Variants in NHSL2 observed in about 807,000 individuals in gnomAD.
The protein encoded by NHSL2 is NHS like 2, also known as NHS-like protein 2.
Under a neutral mutation model 53.4 loss-of-function variants are expected in NHSL2, and 27 were observed. The ratio of observed to expected loss-of-function variants is 0.51; its 90% CI spans 0.37 to 0.70. NHSL2 has a LOEUF of 0.70. NHSL2 is among the 30% of genes least tolerant of loss of function. The pLI is 0.00. For missense variants in NHSL2, 892 were observed against 980.1 expected (o/e 0.91, Z 1.20); for synonymous variants, 408 against 404.1 (o/e 1.01, Z -0.12).
intron 1 of NHSL2, among the ~76,000 whole-genome samples, chrX:71,998,735 G>C (rs1032625756): frequency 6.3e-5 from 7 of 111,467 alleles, no homozygotes; most frequent in African/African-American, 2.3e-4. Flanking sequence ...TGCACTCTCA[G>C]GGAGGAGGTG....
intron 1 of NHSL2, among the ~76,000 whole-genome samples, chrX:72,010,033 G>A (rs956366880): frequency 7.1e-5 from 8 of 112,771 alleles, no homozygotes; most frequent in South Asian, 7.3e-4. Context: ...TGCTGCCTCC[G>A]GTATTGAAAC....
chrX:71,923,597 G>A (rs978811391), intron 1 of NHSL2, among the ~76,000 whole-genome samples: 6 of 111,956 alleles, frequency 5.4e-5, no homozygotes, highest in African/African-American at 2.0e-4. Context: ...ATAATTTATA[G>A]GACAGCCCCT....
At chrX:72,107,681 T>A (rs1173505441) in intron 1 of NHSL2, among the ~76,000 whole-genome samples, 1 of 110,870 alleles carries the variant, frequency 9.0e-6, no homozygotes, top group African/African-American at 3.3e-5. Flanking sequence ...GAACAACCCA[T>A]GAGGAAAAGC....
In NHSL2 at chrX:72,012,711, G is replaced by C. The variant is rs972839766; in HGVS notation, c.280+101344G>C. Among the ~76,000 whole-genome samples the C allele has an allele frequency of 1.2e-4, 13 of 112,643 alleles. No homozygotes were observed. In the East Asian group the frequency reaches 3.6e-3, roughly 31 times the overall value. On this transcript the variant is annotated intron_variant, in intron 1 of 7. Coordinates refer to ENST00000633930, the MANE Select transcript of NHSL2 (RefSeq NM_001013627.3). The stretch of plus-strand genomic sequence containing the variant: ...ATCAGGACGTAGACGTATCTTTTGG[G>C]AGGGCACCATTCAGCCCACTACACA...
chrX:71,911,921 G>A (rs138078141), intron 1 of NHSL2, among the ~76,000 whole-genome samples: 2,564 of 111,791 alleles, frequency 0.023, 56 homozygotes, highest in East Asian at 0.14. Flanking sequence ...CCCACTCACA[G>A]GAGTGTCTGA....
chrX:72,082,813 C>G (rs954800750), intron 1 of NHSL2, among the ~76,000 whole-genome samples: 1 of 112,205 alleles, frequency 8.9e-6, no homozygotes, highest in African/African-American at 3.2e-5. Context: ...CCAACCTCGG[C>G]CAGGCTGAAG....
intron 1 of NHSL2, among the ~76,000 whole-genome samples, chrX:71,981,458 A>G (rs756661395): frequency 7.5e-4 from 78 of 104,425 alleles, no homozygotes; most frequent in South Asian, 2.2e-3. Flanking sequence ...AGGCACAAGA[A>G]TTGTTTGAAC....
In NHSL2 at chrX:72,148,131, A is replaced by G. The variant is rs749954235; in HGVS notation, c.*4557A>G. On this transcript the variant is annotated 3_prime_UTR_variant, in exon 8 of 8. Coordinates refer to ENST00000633930, the MANE Select transcript of NHSL2 (RefSeq NM_001013627.3). ...CTACTAAAAGCCACTGAGAAGGCCT[A>G]GATCATTCATATTGTACATTGACAT... 8.9e-6 allele frequency: 1 copy of G among 112,243 alleles called. No homozygotes were observed. Among genetic ancestry groups the G allele is most frequent in the East Asian group, 2.8e-4 (1 of 3,599 alleles). 9.3% of individuals were successfully genotyped at this position (112,243 alleles called of 1,213,427 possible).
chrX:72,093,721 G>GCTTGCTTGCTTT lies in NHSL2; in HGVS notation c.281-38355_281-38354insGCTTGCTTTCTT, dbSNP rs1216358306. Among the ~76,000 whole-genome samples the GCTTGCTTGCTTT allele has an allele frequency of 5.5e-3, 524 of 95,311 alleles. 3 individuals are homozygous for GCTTGCTTGCTTT. The highest frequency in any genetic ancestry group is 8.6e-3 in the Non-Finnish European group (423 of 49,154). 82.8% of individuals were successfully genotyped at this position (95,311 alleles called of 115,157 possible). On this transcript the variant is annotated intron_variant, in intron 1 of 7. Transcript: ENST00000633930. ...AATATTCCCCTAGTATAGCTTGCTT[G>GCTTGCTTGCTTT]CTTTCTTTCTTTCTTTCTTTCTTTC...
rs1306253699 is a variant in NHSL2 at position 71,911,314 on chromosome X, G to A, written c.227G>A (p.Arg76His). 8.9e-7 allele frequency: 1 copy of A among 1,127,730 alleles called. No individual in the cohort carries two copies. The highest frequency in any genetic ancestry group is 2.7e-5 in the Admixed American group (1 of 36,775). The allele number at this position is 1,127,730 out of a possible 1,213,427, so 92.9% of individuals were successfully genotyped here. A position where few individuals can be genotyped will look rare whatever the true frequency, so the allele number is the denominator to read the frequency against. Residue 76 changes from arginine to histidine, a missense_variant, in exon 1 of 8, where the codon CGC becomes CAC. By Grantham distance (29) the Arg-to-His change is conservative. Transcript: ENST00000633930. Reference protein sequence around the residue: ...DSLYRRTVRLRRRLPCRLLGP... With the variant: ...DSLYRRTVRLHRRLPCRLLGP... ...CTGTACCGGCGCACCGTGCGCCTCCGCCGCCGCCTTCCCTGCCGCCTGCTT... is the reference window on the plus strand; with the variant it reads ...CTGTACCGGCGCACCGTGCGCCTCCACCGCCGCCTTCCCTGCCGCCTGCTT...
chrX:71,994,531 A>G lies in NHSL2; in HGVS notation c.280+83164A>G, dbSNP rs537681809. Among the ~76,000 whole-genome samples, 14 of 111,256 alleles carry G rather than the reference A, an allele frequency of 1.3e-4. No homozygotes were observed. The South Asian group carries it at 5.0e-3, about 39-fold the overall frequency. Reference sequence around the variant, plus strand: ...CTATGTGACTAGTGTTTAAGGAATGAGGACAAAATAATCTATACCTCAAAC... The same window carrying G: ...CTATGTGACTAGTGTTTAAGGAATGGGGACAAAATAATCTATACCTCAAAC... On this transcript the variant is annotated intron_variant, in intron 1 of 7. Transcript: ENST00000633930.
intron 1 of NHSL2, among the ~76,000 whole-genome samples, chrX:72,071,617 A>G (rs1217823912): frequency 9.1e-6 from 1 of 110,178 alleles, no homozygotes; most frequent in African/African-American, 3.3e-5. Flanking sequence ...CCACAACACC[A>G]CACCTTCTCA....
At chrX:72,132,002 C>T (rs1398733808) in intron 1 of NHSL2, 77 bp from the exon 2 acceptor site, 27 of 1,060,022 alleles carry the variant, frequency 2.5e-5, no homozygotes, top group East Asian at 3.4e-5. Context: ...CTTGGGGAAC[C>T]GCGGGCGCCC....
chrX:72,036,101 A>G (rs1169956255), intron 1 of NHSL2, among the ~76,000 whole-genome samples: 2 of 112,145 alleles, frequency 1.8e-5, no homozygotes, highest in Non-Finnish European at 3.8e-5. Context: ...CCTGACTCCC[A>G]TCTGTGGAAA....
intron 1 of NHSL2, among the ~76,000 whole-genome samples, chrX:71,942,500 A>T (rs2041770969): frequency 8.9e-6 from 1 of 112,323 alleles, no homozygotes; most frequent in African/African-American, 3.2e-5. Flanking sequence ...CTAGTGAAAC[A>T]TGAAATAATT....
At position 72,140,470 on chromosome X, in the gene NHSL2, G is replaced by A. The variant is rs1329098026; in HGVS notation, c.2922G>A (p.Glu974=). The part of the protein sequence containing the change: ...QQPPQGSVED[E]GPKVRVLPER... ...CTCCCCAGGGAAGTGTAGAGGACGA[G>A]GGCCCCAAGGTGAGGGTTCTGCCTG... Residue 974 remains glutamate, a synonymous_variant, in exon 6 of 8, where the codon GAG becomes GAA. Transcript: ENST00000633930. 8.3e-7 allele frequency: 1 copy of A among 1,209,557 alleles called. No individual in the cohort carries two copies. The highest frequency in any genetic ancestry group is 1.1e-6 in the Non-Finnish European group (1 of 894,432).
chrX:72,085,553 C>T (rs1401734314), intron 1 of NHSL2, among the ~76,000 whole-genome samples: 2 of 111,310 alleles, frequency 1.8e-5, no homozygotes, highest in Non-Finnish European at 3.8e-5. Context: ...CAGTTAGTTC[C>T]TTTTGAGCTG....
intron 1 of NHSL2, among the ~76,000 whole-genome samples, chrX:72,112,051 G>A (rs2042098106): frequency 2.7e-5 from 3 of 110,545 alleles, no homozygotes; most frequent in African/African-American, 9.9e-5. Flanking sequence ...CCCAAATGAA[G>A]GAAGGAAGCA....
chrX:72,085,937 G>A lies in NHSL2; in HGVS notation c.281-46142G>A, dbSNP rs760810209. ...TCCTTCCCTGCCTAAAAGATTCCTC[G>A]GGGCCTCCTTCCCTGTCAGATGCCA... is the stretch of plus-strand genomic sequence containing the variant. On this transcript the variant is annotated intron_variant, in intron 1 of 7. Transcript: ENST00000633930. Among the ~76,000 whole-genome samples the A allele has an allele frequency of 8.2e-5, 9 of 110,036 alleles. 1 individual carries two copies. The highest frequency in any genetic ancestry group is 2.8e-4 in the East Asian group (1 of 3,523).
Sources: gnomAD v4.1 joint callset for allele counts (sites outside exome capture counted in the v4.1 genomes callset) on GRCh38, gnomAD v4.1.1 for gene constraint, MANE v1.5 for transcripts, NCBI Gene and HGNC (gene_info 2026-07-23, HGNC 2026-07-21) for gene names.